Variants in TENM3 observed in about 807,000 individuals in gnomAD.
TENM3 encodes the protein teneurin transmembrane protein 3, also known as teneurin-3.
Under a neutral mutation model 255.1 loss-of-function variants are expected in TENM3, and 63 were observed. The observed-to-expected ratio is 0.25, with a 90% CI of 0.20 to 0.30. TENM3 has a LOEUF of 0.30. TENM3 is among the 10% of genes least tolerant of loss of function. The pLI, the probability that TENM3 is intolerant of heterozygous loss-of-function variation, is 1.00. For missense variants in TENM3, 2,929 were observed against 3,461.1 expected (o/e 0.85, Z 3.86); for synonymous variants, 1,306 against 1,322.3 (o/e 0.99, Z 0.27).
rs182497322 is a variant in TENM3, at chr4:182,677,361, C to A, written c.1327-2305C>A. 1.2e-4 allele frequency among the ~76,000 whole-genome samples: 18 copies of A among 152,250 alleles called. No homozygotes were observed. The East Asian group carries it at 3.3e-3, about 28-fold the overall frequency. The stretch of plus-strand genomic sequence containing the variant: ...GATAAAGGTGATGGTTGTGCTTTTG[C>A]CTTGAAAGACCAGCTAAAACTCAAA... On this transcript the variant is annotated intron_variant, in intron 7 of 27. Transcript: ENST00000511685.
At chr4:182,272,779 A>G (rs988222257) in intron 1 of TENM3, among the ~76,000 whole-genome samples, 3 of 152,222 alleles carry the variant, frequency 2.0e-5, no homozygotes, top group African/African-American at 7.2e-5. Flanking sequence ...GTCAGTGTGC[A>G]AGAACATACA....
chr4:182,570,572 G>A (rs1039546844), intron 3 of TENM3, among the ~76,000 whole-genome samples: 2 of 152,180 alleles, frequency 1.3e-5, no homozygotes, highest in African/African-American at 2.4e-5. Flanking sequence ...AGGGCCGGCC[G>A]GGCGTGGTGG....
the TENM3 span, among the ~76,000 whole-genome samples, chr4:181,610,440 C>T: frequency 6.6e-6 from 1 of 152,198 alleles, no homozygotes; most frequent in African/African-American, 2.4e-5. Flanking sequence ...AATTTTAATC[C>T]CGGGTTTTGT....
At chr4:182,614,219 G>A (rs1749266659) in intron 4 of TENM3, among the ~76,000 whole-genome samples, 1 of 152,052 alleles carries the variant, frequency 6.6e-6, no homozygotes, top group African/African-American at 2.4e-5. Context: ...ACTTTAGTGG[G>A]AATCTAAAAT....
At chr4:181,946,672 A>G in the TENM3 span, among the ~76,000 whole-genome samples, 1 of 152,104 alleles carries the variant, frequency 6.6e-6, no homozygotes, top group African/African-American at 2.4e-5. Context: ...CATTGCTGGG[A>G]GGTAATAATT....
At chr4:182,362,880 A>T (rs1766126149) in intron 3 of TENM3, among the ~76,000 whole-genome samples, 1 of 152,004 alleles carries the variant, frequency 6.6e-6, no homozygotes, top group Non-Finnish European at 1.5e-5. Flanking sequence ...TCCCTGAAAA[A>T]CTTTTATTTT....
chr4:181,787,357 G>A, the TENM3 span, among the ~76,000 whole-genome samples: 1 of 82,514 alleles, frequency 1.2e-5, no homozygotes, highest in Non-Finnish European at 2.4e-5. Flanking sequence ...TTTTTTTTTT[G>A]AGACGGAGTC....
At chr4:182,388,067 C>T (rs559517227) in intron 3 of TENM3, among the ~76,000 whole-genome samples, 1 of 152,056 alleles carries the variant, frequency 6.6e-6, no homozygotes, top group Non-Finnish European at 1.5e-5. Flanking sequence ...CGCACTTTCG[C>T]AAATTATGAG....
chr4:182,278,222 T>C (rs1046502521), intron 1 of TENM3, among the ~76,000 whole-genome samples: 4 of 151,600 alleles, frequency 2.6e-5, no homozygotes, highest in Non-Finnish European at 4.4e-5. Context: ...CAAAAATTAG[T>C]TGGGTGTGGT....
chr4:181,468,790 C>G, the TENM3 span, among the ~76,000 whole-genome samples: 2 of 152,168 alleles, frequency 1.3e-5, no homozygotes, highest in Non-Finnish European at 2.9e-5. Flanking sequence ...TTTTTGCTAG[C>G]ATTTTGCCTT....
In TENM3 at chr4:182,636,405, G is replaced by A. The variant is rs181070275; in HGVS notation, c.988+7516G>A. Among the ~76,000 whole-genome samples, 493 of 152,242 alleles carry A rather than the reference G, an allele frequency of 3.2e-3. 2 individuals carry two copies. Among genetic ancestry groups the A allele is most frequent in the Admixed American group, 5.4e-3 (83 of 15,294 alleles). On this transcript the variant is annotated intron_variant, in intron 5 of 27. Transcript: ENST00000511685. Reference sequence around the variant, plus strand: ...ACAAACATAATGTATTTTACTCTTAGTTTGATATGAGGTCAGCTAAAGTAA... The same window carrying A: ...ACAAACATAATGTATTTTACTCTTAATTTGATATGAGGTCAGCTAAAGTAA...
intron 19 of TENM3, among the ~76,000 whole-genome samples, chr4:182,744,329 A>G (rs1761850071): frequency 6.6e-6 from 1 of 152,114 alleles, no homozygotes; most frequent in African/African-American, 2.4e-5. Flanking sequence ...ATTATTATAC[A>G]ATATATTGCG....
intron 24 of TENM3, among the ~76,000 whole-genome samples, chr4:182,777,543 A>ATTTTTT (rs1561238758): frequency 2.0e-4 from 7 of 34,894 alleles, no homozygotes; most frequent in African/African-American, 5.2e-4. Context: ...GTGTGTGTGT[A>ATTTTTT]TTTCTTTTTT....
At chr4:182,166,360 G>A (rs1012080547) in intron 1 of TENM3, among the ~76,000 whole-genome samples, 2 of 152,176 alleles carry the variant, frequency 1.3e-5, no homozygotes, top group Non-Finnish European at 2.9e-5. Context: ...AAAACAGTGT[G>A]TCTGGAGGGC....
chr4:181,755,477 A>T, the TENM3 span, among the ~76,000 whole-genome samples: 1 of 151,940 alleles, frequency 6.6e-6, no homozygotes, highest in Admixed American at 6.5e-5. Flanking sequence ...CAAACTTCTT[A>T]AAAGGATAAG....
chr4:182,236,849 TA>T (rs535018542), intron 1 of TENM3, among the ~76,000 whole-genome samples: 1 of 152,240 alleles, frequency 6.6e-6, no homozygotes, highest in South Asian at 2.1e-4. Flanking sequence ...CTTTTTATTT[TA>T]CTTTAAGTTC....
chr4:182,355,428 G>A lies in TENM3; in HGVS notation c.511+8499G>A, dbSNP rs190248710. Among the ~76,000 whole-genome samples the A allele has an allele frequency of 6.2e-3, 950 of 152,272 alleles. 13 individuals carry two copies. Among genetic ancestry groups the A allele is most frequent in the South Asian group, 0.037 (176 of 4,820 alleles). ...TATGGTCATGTTTCCGTTTTACAGA[G>A]TACCCTGAAAGCAGTGTGGAATATT... On this transcript the variant is annotated intron_variant, in intron 3 of 27. Transcript: ENST00000511685.
the TENM3 span, among the ~76,000 whole-genome samples, chr4:181,767,276 G>A: frequency 3.0e-3 from 407 of 135,652 alleles, 1 homozygote; most frequent in Middle Eastern, 0.029. Flanking sequence ...AAAAAAGAAA[G>A]AAAACAAAAT....
rs779576073 is a variant in TENM3, at chr4:182,799,628, G to C, written c.7377G>C (p.Arg2459=). 3.9e-6 allele frequency: 6 copies of C among 1,544,210 alleles called. No homozygotes were observed. The highest frequency in any genetic ancestry group is 4.4e-6 in the Non-Finnish European group (5 of 1,146,560). Residue 2459 remains arginine (R), a synonymous_variant, in exon 28 of 28, where the codon CGG becomes CGC. Coordinates refer to ENST00000511685, the MANE Select transcript of TENM3 (RefSeq NM_001080477.4). This position sits in a 1 kb window ranked among gnomAD's most constrained non-coding sequence, Gnocchi z 4.2. ...PIFGVQQQVA[R]QAKAFLSLGK... ...TCGGAGTCCAGCAGCAAGTGGCGCG[G>C]CAGGCCAAGGCCTTCCTGTCGCTGG...
Sources: gnomAD v4.1 joint callset for allele counts (sites outside exome capture counted in the v4.1 genomes callset) on GRCh38, gnomAD v4.1.1 for gene constraint, Gnocchi (gnomAD v3.1) non-coding constraint, MANE v1.5 for transcripts, NCBI Gene and HGNC (gene_info 2026-07-23, HGNC 2026-07-21) for gene names.